Variants in TBC1D1 observed in about 807,000 individuals in gnomAD.
TBC1D1 encodes TBC1 domain family member 1, also known as TBC1 (tre-2/USP6, BUB2, cdc16) domain family, member 1.
Under a neutral mutation model 125.6 loss-of-function variants are expected in TBC1D1, and 89 were observed. The observed-to-expected ratio is 0.71, with a 90% CI of 0.60 to 0.85. The LOEUF (loss-of-function observed/expected upper bound fraction) is 0.85, where lower values mean the gene tolerates loss of function less well. Ranked by LOEUF, TBC1D1 falls within the 40% of genes least tolerant of loss-of-function variation. TBC1D1 has a pLI of 0.00. For missense variants in TBC1D1, 1,377 were observed against 1,469.2 expected, an observed-to-expected ratio of 0.94 and a Z score of 1.03; for synonymous variants, 565 against 564.1, an observed-to-expected ratio of 1.00 and a Z score of -0.02.
intron 15 of TBC1D1, among the ~76,000 whole-genome samples, chr4:38,104,623 C>G (rs1308694637): frequency 6.6e-6 from 1 of 152,124 alleles, no homozygotes; most frequent in Non-Finnish European, 1.5e-5. Flanking sequence ...TGCGGTGGCC[C>G]GGTTCTCTGA....
At chr4:38,007,931 C>G (rs1578246250) in intron 2 of TBC1D1, among the ~76,000 whole-genome samples, 1 of 152,354 alleles carries the variant, frequency 6.6e-6, no homozygotes, top group East Asian at 1.9e-4. Flanking sequence ...CTTCTGGACT[C>G]TGGCTGCCCG....
In TBC1D1 at chr4:38,045,899, G is replaced by A; in HGVS notation, c.1625G>A (p.Ser542Asn). ...CTGTCTAGTACATTAAGTAACACCA[G>A]CAAAGTAAGCACATTTCTCTTTATA... The change falls in exon 10 of 20, where the codon AGC becomes AAC. Residue 542 changes from serine to asparagine, a missense_variant. Ser to Asn is a conservative substitution (Grantham distance 46). This residue lies in a region of TBC1D1 where 822 missense variants were observed against 824.6 expected (regional missense o/e 1.00). Coordinates refer to ENST00000261439, the MANE Select transcript of TBC1D1 (RefSeq NM_015173.4). 1 of 1,613,694 alleles carries A rather than the reference G, an allele frequency of 6.2e-7. No individual in the cohort carries two copies. The highest frequency in any genetic ancestry group is 8.5e-7 in the Non-Finnish European group (1 of 1,179,636).
chr4:38,125,194 T>A (rs1346702151), intron 18 of TBC1D1, 63 bp downstream of exon 20: 2 of 1,519,576 alleles, frequency 1.3e-6, no homozygotes, highest in Admixed American at 1.8e-5. Context: ...AACTTAAATC[T>A]CTCTTGAGCA....
chr4:38,052,724 G>GTGCACA (rs1362899510), intron 11 of TBC1D1, among the ~76,000 whole-genome samples: 2 of 59,958 alleles, frequency 3.3e-5, no homozygotes, highest in African/African-American at 5.7e-5. Flanking sequence ...GCGCGCGCGC[G>GTGCACA]CGCGCACACA....
In TBC1D1 at chr4:38,054,303, C is replaced by G. The variant is rs768175721; in HGVS notation, c.2015C>G (p.Pro672Arg). ...CAGATATTCCTCCGAGTAGCCACCCCGCAGAAGGCGTGCGATTCTTCCAGC... is the reference window on the plus strand; with the variant it reads ...CAGATATTCCTCCGAGTAGCCACCCGGCAGAAGGCGTGCGATTCTTCCAGC... Residue 672 changes from proline (P) to arginine (R), a missense_variant, in exon 12 of 20, where the codon CCG becomes CGG. Coordinates refer to ENST00000261439, the MANE Select transcript of TBC1D1 (RefSeq NM_015173.4). 1.2e-6 allele frequency: 2 copies of G among 1,614,146 alleles called. No homozygotes were observed. The highest frequency in any genetic ancestry group is 1.1e-5 in the South Asian group (1 of 91,082).
intron 12 of TBC1D1, among the ~76,000 whole-genome samples, chr4:38,055,855 G>C (rs1254146206): frequency 6.6e-6 from 1 of 152,158 alleles, no homozygotes; most frequent in African/African-American, 2.4e-5. Flanking sequence ...GGGAACCAGA[G>C]CCACCAGAGG....
intron 11 of TBC1D1, chr4:38,052,049 T>A: frequency 6.4e-7 from 1 of 1,551,152 alleles, no homozygotes; most frequent in Non-Finnish European, 8.7e-7. Context: ...GTGGGAATGC[T>A]GTGCCAAAGA....
rs973730839 is a variant in TBC1D1 at position 37,995,203 on chromosome 4, C to T, written c.418-19306C>T. On this transcript the variant is annotated intron_variant, in intron 2 of 19. Transcript: ENST00000261439. This position sits in a 1 kb window ranked among gnomAD's most constrained non-coding sequence, Gnocchi z 4.3. ...TGCTAAAAGGAGATGAGATTTTCTT[C>T]CTCATATGCTAGGAGCCTGGACAGA... Among the ~76,000 whole-genome samples, 4 of 152,118 alleles carry T rather than the reference C, an allele frequency of 2.6e-5. No homozygotes were observed. Among genetic ancestry groups the T allele is most frequent in the Admixed American group, 2.6e-4 (4 of 15,266 alleles).
chr4:38,063,007 C>T (rs1265148658), intron 12 of TBC1D1, among the ~76,000 whole-genome samples: 2 of 152,186 alleles, frequency 1.3e-5, no homozygotes, highest in African/African-American at 4.8e-5. Context: ...CAGCAGATTC[C>T]TCCTTAGGGC....
At chr4:38,039,279 A>G (rs1747882560) in intron 8 of TBC1D1, among the ~76,000 whole-genome samples, 1 of 151,222 alleles carries the variant, frequency 6.6e-6, no homozygotes, top group Non-Finnish European at 1.5e-5. Context: ...CACCACTCCC[A>G]GCTAATTGTT....
At chr4:37,948,609 C>A (rs113124820) in intron 2 of TBC1D1, among the ~76,000 whole-genome samples, 11,739 of 146,882 alleles carry the variant, frequency 0.08, 581 homozygotes, top group Middle Eastern at 0.13. Flanking sequence ...GCCTGGGCAA[C>A]AGAGCAAGAC....
chr4:38,007,945 G>T (rs188408247), intron 2 of TBC1D1, among the ~76,000 whole-genome samples: 43 of 152,350 alleles, frequency 2.8e-4, no homozygotes, highest in South Asian at 1.0e-3. Context: ...CTGCCCGTTA[G>T]AACAGCCAGG....
In TBC1D1 at chr4:38,089,921, T is replaced by TC; in HGVS notation, c.2051-8dup. ...AAAATGACAATTCTGGAATGCCGTC[T>TC]CCCTTTCCAGATTATTCAGAGCTGG... is the stretch of plus-strand genomic sequence containing the variant. On this transcript the variant is annotated splice_polypyrimidine_tract_variant and intron_variant, in intron 12 of 19. Transcript: ENST00000261439. The TC allele has an allele frequency of 4.5e-6, 7 of 1,551,912 alleles. No individual in the cohort carries two copies. The highest frequency in any genetic ancestry group is 6.1e-6 in the Non-Finnish European group (7 of 1,151,946).
intron 3 of TBC1D1, 22 bp from the exon 4 acceptor site, chr4:38,018,332 A>AT (rs1207628700): frequency 3.8e-6 from 6 of 1,573,168 alleles, no homozygotes; most frequent in Non-Finnish European, 4.4e-6. Context: ...GAAAAGCTAG[A>AT]TTTTTTTGTT....
At chr4:38,074,312 T>C (rs113383649) in intron 12 of TBC1D1, among the ~76,000 whole-genome samples, 15 of 152,206 alleles carry the variant, frequency 9.9e-5, no homozygotes, top group African/African-American at 3.6e-4. Flanking sequence ...AAGTTAGTCA[T>C]AGATGCTTCA....
chr4:38,011,812 C>G (rs893252349), intron 2 of TBC1D1, among the ~76,000 whole-genome samples: 1 of 152,154 alleles, frequency 6.6e-6, no homozygotes, highest in Non-Finnish European at 1.5e-5. Flanking sequence ...AAAAAACTAC[C>G]ACAACCTCGA....
At chr4:38,046,020 A>G in intron 10 of TBC1D1, 117 bp downstream of exon 10, 2 of 866,508 alleles carry the variant, frequency 2.3e-6, no homozygotes, top group Non-Finnish European at 1.9e-6. Flanking sequence ...TTCTTGGCAC[A>G]GGTGGAGGAC....
intron 2 of TBC1D1, among the ~76,000 whole-genome samples, chr4:37,946,494 G>A (rs1256668345): frequency 2.6e-5 from 4 of 152,242 alleles, no homozygotes; most frequent in Non-Finnish European, 4.4e-5. Flanking sequence ...TAAAAGGGAA[G>A]AAACAGTATC....
At chr4:37,993,017 C>T (rs966952441) in intron 2 of TBC1D1, among the ~76,000 whole-genome samples, 2 of 151,668 alleles carry the variant, frequency 1.3e-5, no homozygotes, top group South Asian at 2.1e-4. Context: ...TTAGCCAGGA[C>T]GGTCTCGAAC....
Sources: gnomAD v4.1 joint callset for allele counts (sites outside exome capture counted in the v4.1 genomes callset) on GRCh38, gnomAD v4.1.1 for gene constraint, gnomAD v4.1.1 regional missense constraint, Gnocchi (gnomAD v3.1) non-coding constraint, MANE v1.5 for transcripts, NCBI Gene and HGNC (gene_info 2026-07-23, HGNC 2026-07-21) for gene names.